Variants in PRIM2 observed in about 807,000 individuals in gnomAD.
PRIM2 encodes DNA primase subunit 2.
PRIM2 carries 39 observed loss-of-function variants against 67.3 expected under a neutral mutation model. That is an observed-to-expected ratio of 0.58 (90% CI 0.45 to 0.76). The LOEUF is 0.76. Among genes scored for constraint, PRIM2 ranks in the 30% least tolerant of loss-of-function variants. The probability of loss-of-function intolerance (pLI) is 0.00; values close to 1 mark genes in which losing one functional copy is unlikely to be tolerated. For synonymous variants in PRIM2, 143 were observed against 198.7 expected (o/e 0.72, Z 2.36); for missense variants, 398 against 598.7 (o/e 0.66, Z 3.50).
Position 57,382,077 on chromosome 6 carries a change from A to G in PRIM2, c.602A>G (p.Tyr201Cys), listed in dbSNP as rs370341287. 27 of 1,612,802 alleles carry G rather than the reference A, an allele frequency of 1.7e-5. No individual in the cohort carries two copies. The highest frequency in any genetic ancestry group is 2.0e-5 in the Non-Finnish European group (24 of 1,179,348). ...GATTTGTTTCGAGGAAGGAAAGTCTATTTGGAAGATGGCTTTGCTTACGTA... is the reference window on the plus strand; with the variant it reads ...GATTTGTTTCGAGGAAGGAAAGTCTGTTTGGAAGATGGCTTTGCTTACGTA... ...ALDLFRGRKVYLEDGFAYVPL... is the reference protein window; with the variant it reads ...ALDLFRGRKVCLEDGFAYVPL... The change falls in exon 7 of 14, where the codon TAT becomes TGT. Residue 201 changes from tyrosine to cysteine, a missense_variant. Around this residue, in one of 4 missense-constraint regions of PRIM2, gnomAD observed 229 missense variants for 383.6 expected, o/e 0.60. Coordinates refer to ENST00000615550, the MANE Select transcript of PRIM2 (RefSeq NM_000947.5).
intron 7 of PRIM2, among the ~76,000 whole-genome samples, chr6:57,391,790 A>T: frequency 6.6e-6 from 1 of 152,028 alleles, no homozygotes. Flanking sequence ...TGAAATTGGT[A>T]GTGTGATGCC....
chr6:57,426,943 A>G (rs2127376185), intron 7 of PRIM2, among the ~76,000 whole-genome samples: 1 of 152,348 alleles, frequency 6.6e-6, no homozygotes, highest in East Asian at 1.9e-4. Context: ...TTAATACATT[A>G]AAAAGCAGGA....
intron 12 of PRIM2, among the ~76,000 whole-genome samples, chr6:57,620,379 A>G (rs1776830196): frequency 1.3e-5 from 2 of 152,244 alleles, no homozygotes; most frequent in Admixed American, 1.3e-4. Context: ...CAGAAACCCT[A>G]TAAGCTAGAA....
intron 7 of PRIM2, among the ~76,000 whole-genome samples, chr6:57,473,324 T>C (rs1773382623): frequency 6.6e-5 from 10 of 152,238 alleles, no homozygotes; most frequent in Admixed American, 6.5e-4. Flanking sequence ...AAAGTATTTA[T>C]GCACCAGATG....
At chr6:57,260,575 C>T in the PRIM2 span, among the ~76,000 whole-genome samples, 2 of 152,016 alleles carry the variant, frequency 1.3e-5, no homozygotes, top group African/African-American at 2.4e-5. Flanking sequence ...TGATGTCATA[C>T]GTTTGTTTTT....
chr6:57,451,214 C>T (rs1237910896), intron 7 of PRIM2, among the ~76,000 whole-genome samples: 10 of 152,266 alleles, frequency 6.6e-5, no homozygotes, highest in Admixed American at 5.2e-4. Context: ...CACCTCGGCT[C>T]AATGCAGCTT....
At chr6:57,445,154 A>G (rs1458052673) in intron 7 of PRIM2, among the ~76,000 whole-genome samples, 2 of 152,226 alleles carry the variant, frequency 1.3e-5, no homozygotes, top group Admixed American at 6.5e-5. Context: ...GTTCAGGCAG[A>G]TTGCAGAAAG....
chr6:57,294,623 A>G, the PRIM2 span, among the ~76,000 whole-genome samples: 1 of 151,222 alleles, frequency 6.6e-6, no homozygotes, highest in African/African-American at 2.4e-5. Flanking sequence ...ATATGTATAA[A>G]TATATACATA....
chr6:57,324,482 A>G (rs1475843969), intron 4 of PRIM2, among the ~76,000 whole-genome samples: 1 of 152,194 alleles, frequency 6.6e-6, no homozygotes, highest in African/African-American at 2.4e-5. Context: ...CTATCGCAGA[A>G]TTTTGCCTGA....
intron 7 of PRIM2, among the ~76,000 whole-genome samples, chr6:57,434,758 T>C (rs1581900908): frequency 6.6e-6 from 1 of 151,976 alleles, no homozygotes; most frequent in South Asian, 2.1e-4. Flanking sequence ...CCTGGGTCTC[T>C]GCTCTCTCTC....
chr6:57,272,630 A>C, the PRIM2 span, among the ~76,000 whole-genome samples: 31 of 152,298 alleles, frequency 2.0e-4, 1 homozygote, highest in African/African-American at 7.5e-4. Context: ...ATTTACATTC[A>C]AAGTTAATAT....
chr6:57,563,858 G>A (rs1435393814), intron 10 of PRIM2, among the ~76,000 whole-genome samples: 2 of 152,096 alleles, frequency 1.3e-5, no homozygotes, highest in African/African-American at 4.8e-5. Flanking sequence ...ACAGGGTTTT[G>A]CCATATTGGT....
chr6:57,314,292 A>G (rs1390271775), upstream of PRIM2, among the ~76,000 whole-genome samples: 1 of 152,218 alleles, frequency 6.6e-6, no homozygotes, highest in Admixed American at 6.5e-5. Flanking sequence ...AGGCAGGTGG[A>G]TCACCTGAGG....
upstream of PRIM2, among the ~76,000 whole-genome samples, chr6:57,312,761 A>G (rs1767410993): frequency 1.3e-5 from 2 of 152,186 alleles, no homozygotes; most frequent in African/African-American, 4.8e-5. Flanking sequence ...TGTTAAATAA[A>G]TTCTTTGGAC....
the PRIM2 span, among the ~76,000 whole-genome samples, chr6:57,289,692 A>G: frequency 6.6e-6 from 1 of 152,210 alleles, no homozygotes; most frequent in Admixed American, 6.5e-5. Flanking sequence ...AGAATTTCAT[A>G]TCCAGCCAAA....
intron 7 of PRIM2, among the ~76,000 whole-genome samples, chr6:57,479,572 A>C (rs1773565521): frequency 6.6e-6 from 1 of 152,126 alleles, no homozygotes; most frequent in Non-Finnish European, 1.5e-5. Context: ...GTGCAATTTA[A>C]TGTTCTTATT....
At chr6:57,536,849 A>T (rs1366683646) in intron 9 of PRIM2, among the ~76,000 whole-genome samples, 3 of 152,244 alleles carry the variant, frequency 2.0e-5, no homozygotes, top group African/African-American at 7.2e-5. Context: ...GGTGCAAAAG[A>T]TAGATGGGGG....
chr6:57,408,198 A>T (rs1450179653), intron 7 of PRIM2, among the ~76,000 whole-genome samples: 1 of 152,212 alleles, frequency 6.6e-6, no homozygotes, highest in African/African-American at 2.4e-5. Flanking sequence ...AGATAAGATG[A>T]CATGGGTGCA....
At chr6:57,285,281 A>C in the PRIM2 span, among the ~76,000 whole-genome samples, 1 of 152,248 alleles carries the variant, frequency 6.6e-6, no homozygotes, top group African/African-American at 2.4e-5. Context: ...TTATGAGGCC[A>C]GCATCATCCT....
Sources: gnomAD v4.1 joint callset for allele counts (sites outside exome capture counted in the v4.1 genomes callset) on GRCh38, gnomAD v4.1.1 for gene constraint, gnomAD v4.1.1 regional missense constraint, MANE v1.5 for transcripts, NCBI Gene and HGNC (gene_info 2026-07-23, HGNC 2026-07-21) for gene names.